The following WNK1 variants were observed in gnomAD, a reference collection of about 807,000 sequenced individuals.
WNK1 encodes WNK lysine deficient protein kinase 1.
WNK1 carries 38 observed loss-of-function variants against 222.8 expected under a neutral mutation model. The observed-to-expected ratio is 0.17, with a 90% CI of 0.13 to 0.22. The LOEUF (loss-of-function observed/expected upper bound fraction) is 0.22. Among genes scored for constraint, WNK1 ranks in the 10% least tolerant of loss-of-function variants. The pLI, the probability that WNK1 is intolerant of heterozygous loss-of-function variation, is 1.00. For missense variants in WNK1, 2,348 were observed against 2,918.4 expected (o/e 0.80, Z 4.50); for synonymous variants, 1,090 against 1,092.9 (o/e 1.00, Z 0.05).
intron 10 of WNK1, among the ~76,000 whole-genome samples, chr12:879,273 A>C (rs1167845843): frequency 6.6e-6 from 1 of 151,886 alleles, no homozygotes; most frequent in African/African-American, 2.4e-5. Context: ...CCCCTTGTCT[A>C]TGGAAGGGTC....
At chr12:881,846 C>A in intron 13 of WNK1, 57 bp downstream of exon 13, 11 of 1,613,468 alleles carry the variant, frequency 6.8e-6, no homozygotes, top group Non-Finnish European at 9.3e-6. Flanking sequence ...TATGAAACGC[C>A]AAACTGTCAG....
At chr12:889,276 G>C in intron 21 of WNK1, 53 bp downstream of exon 21, 4 of 1,447,640 alleles carry the variant, frequency 2.8e-6, no homozygotes, top group Non-Finnish European at 2.9e-6. Context: ...TATATTATAT[G>C]CCTGGGACAC....
chr12:787,038 C>T (rs918698659), intron 1 of WNK1, among the ~76,000 whole-genome samples: 5 of 152,074 alleles, frequency 3.3e-5, no homozygotes, highest in African/African-American at 1.2e-4. Flanking sequence ...TTGCATTTTA[C>T]ACCTAGTAGT....
chr12:771,557 C>T (rs1326261741), intron 1 of WNK1, among the ~76,000 whole-genome samples: 4 of 152,128 alleles, frequency 2.6e-5, no homozygotes, highest in African/African-American at 9.7e-5. Flanking sequence ...GACCCAGCCT[C>T]CTGAGTAGCT....
intron 4 of WNK1, among the ~76,000 whole-genome samples, chr12:843,462 T>A (rs778125261): frequency 2.0e-5 from 3 of 152,182 alleles, no homozygotes; most frequent in Admixed American, 6.5e-5. Flanking sequence ...AAAACAAAAT[T>A]TAAAAACTTA....
chr12:907,785 C>T, intron 26 of WNK1, 62 bp from the exon 27 acceptor site: 2 of 1,596,100 alleles, frequency 1.3e-6, no homozygotes, highest in Non-Finnish European at 8.6e-7. Context: ...GTGAAGTTTT[C>T]CCTCTTCCTG....
Position 880,877 on chromosome 12 carries a change from C to G in WNK1, c.2989C>G (p.Pro997Ala). ...TGGGTACTTTCCCACAGTGGTGCAG[C>G]CTTATGTGGAATCAAATCTTTTAGT... ...TPGYFPTVVQPYVESNLLVPM... is the reference protein window; with the variant it reads ...TPGYFPTVVQAYVESNLLVPM... The change falls in exon 12 of 28, where the codon CCT becomes GCT. Residue 997 changes from proline to alanine, a missense_variant. Transcript: ENST00000315939. 6.2e-7 allele frequency: 1 copy of G among 1,614,080 alleles called. No homozygotes were observed. The highest frequency in any genetic ancestry group is 1.3e-5 in the African/African-American group (1 of 75,008).
chr12:856,434 A>G (rs1486145756), intron 4 of WNK1, among the ~76,000 whole-genome samples: 2 of 151,152 alleles, frequency 1.3e-5, no homozygotes, highest in East Asian at 2.0e-4. Flanking sequence ...ATACTGGGCA[A>G]CAGAGCAAGA....
chr12:758,031 T>A (rs1940413376), intron 1 of WNK1, among the ~76,000 whole-genome samples: 1 of 96,634 alleles, frequency 1.0e-5, no homozygotes, highest in African/African-American at 3.5e-5. Context: ...TGAGACTCTG[T>A]CTCTAAAAAA....
At chr12:865,882 A>G (rs892004468) in intron 8 of WNK1, among the ~76,000 whole-genome samples, 7 of 152,082 alleles carry the variant, frequency 4.6e-5, no homozygotes, top group African/African-American at 1.4e-4. Flanking sequence ...AAGATGATGT[A>G]TCAGCAAACC....
chr12:785,758 A>C (rs539797793), intron 1 of WNK1, among the ~76,000 whole-genome samples: 2 of 152,050 alleles, frequency 1.3e-5, no homozygotes, highest in East Asian at 3.9e-4. Context: ...TTGCTCTTTA[A>C]TTTTATTTAT....
Position 896,360 on chromosome 12 carries a change from T to C in WNK1, c.5873T>C (p.Phe1958Ser). Residue 1958 changes from phenylalanine (F) to serine (S), a missense_variant, in exon 24 of 28, where the codon TTC (phenylalanine) becomes TCC (serine). Physicochemically the swap from Phe to Ser is radical, Grantham distance 155. This residue lies in a region of WNK1 where 1,144 missense variants were observed against 1,273.6 expected (regional missense o/e 0.90). Coordinates refer to ENST00000315939, the MANE Select transcript of WNK1 (RefSeq NM_018979.4). ...ACTACAGCAAACAAAGTGGGTCGTT[T>C]CTCTGTATCAAAAACTGAGGACAAG... ...VTTTANKVGR[F>S]SVSKTEDKIT... is the part of the protein sequence containing the mutation. 1 of 1,614,136 alleles carries C rather than the reference T, an allele frequency of 6.2e-7. No individual in the cohort carries two copies. The highest frequency in any genetic ancestry group is 8.5e-7 in the Non-Finnish European group (1 of 1,180,018).
At chr12:866,166 T>C (rs1016078235) in intron 8 of WNK1, among the ~76,000 whole-genome samples, 4 of 152,234 alleles carry the variant, frequency 2.6e-5, no homozygotes, top group African/African-American at 7.2e-5. Context: ...TATACAGTGT[T>C]ATTATGGCTT....
At chr12:797,810 A>C (rs1177761772) in intron 1 of WNK1, among the ~76,000 whole-genome samples, 1 of 151,830 alleles carries the variant, frequency 6.6e-6, no homozygotes, top group South Asian at 2.1e-4. Flanking sequence ...TTAGCCGGGC[A>C]TGGTGGCGGG....
intron 19 of WNK1, 113 bp from the exon 20 acceptor site, chr12:887,108 C>G (rs1327970770): frequency 2.1e-6 from 2 of 968,596 alleles, no homozygotes; most frequent in Non-Finnish European, 3.3e-6. Context: ...CATGTCTTAA[C>G]TATATATATT....
intron 1 of WNK1, among the ~76,000 whole-genome samples, chr12:757,563 C>T (rs139128368): frequency 2.6e-5 from 4 of 151,838 alleles, no homozygotes; most frequent in Admixed American, 2.6e-4. Context: ...CAGTAATTAC[C>T]GAGATGTTTA....
At chr12:871,215 C>A in intron 8 of WNK1, 50 bp from the exon 9 acceptor site, 1 of 1,545,870 alleles carries the variant, frequency 6.5e-7, no homozygotes, top group Non-Finnish European at 8.9e-7. Flanking sequence ...GACCTCTATA[C>A]ACTTACTTTA....
intron 26 of WNK1, chr12:900,892 G>T: frequency 1.6e-6 from 1 of 622,104 alleles, no homozygotes; most frequent in Non-Finnish European, 2.9e-6. Flanking sequence ...GAATTACAGT[G>T]AAAAGTTACA....
At chr12:802,419 A>G (rs1945969482) in intron 1 of WNK1, among the ~76,000 whole-genome samples, 2 of 152,226 alleles carry the variant, frequency 1.3e-5, no homozygotes, top group Admixed American at 1.3e-4. Context: ...AGTTGTAAAT[A>G]TGAGAAGGGA....
Sources: gnomAD v4.1 joint callset for allele counts (sites outside exome capture counted in the v4.1 genomes callset) on GRCh38, gnomAD v4.1.1 for gene constraint, gnomAD v4.1.1 regional missense constraint, MANE v1.5 for transcripts, NCBI Gene and HGNC (gene_info 2026-07-23, HGNC 2026-07-21) for gene names.